The following SLCO3A1 variants were observed in gnomAD, a reference collection of about 807,000 sequenced individuals.
SLCO3A1 encodes the protein solute carrier organic anion transporter family member 3A1, also known as PGE1 transporter.
Under a neutral mutation model 63.1 loss-of-function variants are expected in SLCO3A1, and 27 were observed. The ratio of observed to expected loss-of-function variants is 0.43; its 90% CI spans 0.32 to 0.59. SLCO3A1 has a LOEUF of 0.59. Ranked by LOEUF, SLCO3A1 falls within the 20% of genes least tolerant of loss-of-function variation. The pLI is 0.09. For missense variants in SLCO3A1, 773 were observed against 945.8 expected (o/e 0.82, Z 2.40); for synonymous variants, 473 against 409.9 (o/e 1.15, Z -1.86).
At chr15:91,870,927 A>G (rs74028343) in intron 1 of SLCO3A1, among the ~76,000 whole-genome samples, 98 of 151,116 alleles carry the variant, frequency 6.5e-4, no homozygotes, top group African/African-American at 2.1e-3. Context: ...TATTGAACTC[A>G]TATTCTTATT....
rs544734489 is a variant in SLCO3A1 at position 91,941,276 on chromosome 15, G to C, written c.646+24818G>C. On this transcript the variant is annotated intron_variant, in intron 2 of 9. Transcript: ENST00000318445. The surrounding 1 kb of genome is among the most constrained non-coding windows in gnomAD (Gnocchi z 4.4). ...GAATGTGAGCTGGTTTAGGTGTGTTGGGGCAGGGCGGGGCTCGGCTGGGGG... is the reference window on the plus strand; with the variant it reads ...GAATGTGAGCTGGTTTAGGTGTGTTCGGGCAGGGCGGGGCTCGGCTGGGGG... 304 of 253,690 alleles carry C rather than the reference G, an allele frequency of 1.2e-3. No homozygotes were observed. Among genetic ancestry groups the C allele is most frequent in the Non-Finnish European group, 1.9e-3 (235 of 125,864 alleles). The allele number at this position is 253,690 out of a possible 1,614,324, so 15.7% of individuals were successfully genotyped here.
At position 92,120,172 on chromosome 15, in the gene SLCO3A1, A is replaced by G. The variant is rs533251711; in HGVS notation, c.1010-293A>G. 2.6e-5 allele frequency among the ~76,000 whole-genome samples: 4 copies of G among 152,266 alleles called. No homozygotes were observed. The South Asian group carries it at 8.3e-4, about 32-fold the overall frequency. On this transcript the variant is annotated intron_variant, in intron 4 of 9. Coordinates refer to ENST00000318445, the MANE Select transcript of SLCO3A1 (RefSeq NM_013272.4). ...AAAATATCTTCTGACATTGCTTTAA[A>G]AAAATTTTACTGTGTCTAGTGAACT...
intron 7 of SLCO3A1, among the ~76,000 whole-genome samples, chr15:92,144,201 C>G (rs2048189845): frequency 6.6e-6 from 1 of 152,200 alleles, no homozygotes; most frequent in African/African-American, 2.4e-5. Flanking sequence ...CCCCTGTAAC[C>G]TAAGACAGAT....
chr15:91,854,387 C>CG lies in SLCO3A1; in HGVS notation c.180+299_180+300insG, dbSNP rs1484756740. 12 of 1,058,446 alleles carry CG rather than the reference C, an allele frequency of 1.1e-5. No homozygotes were observed. Among genetic ancestry groups the CG allele is most frequent in the Admixed American group, 1.1e-4 (2 of 18,166 alleles). The allele number at this position is 1,058,446 out of a possible 1,614,324, so 65.6% of individuals were successfully genotyped here. On this transcript the variant is annotated intron_variant, in intron 1 of 9. Transcript: ENST00000318445. The surrounding 1 kb of genome is among the most constrained non-coding windows in gnomAD (Gnocchi z 6.4). ...AGGTGGGCGTGAAACTATTCCTCTC[C>CG]CCCCATAAGAGCGGAGCGAGACGGT... is the stretch of plus-strand genomic sequence containing the variant.
intron 1 of SLCO3A1, chr15:91,889,031 A>AC (rs1897800551): frequency 1.6e-6 from 1 of 612,496 alleles, no homozygotes; most frequent in African/African-American, 2.5e-5. Flanking sequence ...GAAAAGAAAA[A>AC]CCAAAAAAAA....
At chr15:92,093,465 C>T (rs985970554) in intron 2 of SLCO3A1, among the ~76,000 whole-genome samples, 5 of 152,170 alleles carry the variant, frequency 3.3e-5, no homozygotes, top group African/African-American at 1.2e-4. Flanking sequence ...TCCCACTAGG[C>T]CCCACCTCCA....
Position 91,983,514 on chromosome 15 carries a change from G to T in SLCO3A1, c.646+67056G>T, listed in dbSNP as rs369876914. 2.0e-5 allele frequency among the ~76,000 whole-genome samples: 3 copies of T among 152,130 alleles called. No homozygotes were observed. In the East Asian group the frequency reaches 5.8e-4, roughly 29 times the overall value. On this transcript the variant is annotated intron_variant, in intron 2 of 9. Transcript: ENST00000318445. ...ATTCCAACTTAATCTTTAATTGACT[G>T]TCCCGGACAGATTGAGAACTGAAAT...
Position 91,975,679 on chromosome 15 carries a change from C to T in SLCO3A1, c.646+59221C>T, listed in dbSNP as rs114008626. Among the ~76,000 whole-genome samples, 329 of 152,336 alleles carry T rather than the reference C, an allele frequency of 2.2e-3. 1 individual carries two copies. The highest frequency in any genetic ancestry group is 6.8e-3 in the African/African-American group (284 of 41,584). On this transcript the variant is annotated intron_variant, in intron 2 of 9. Transcript: ENST00000318445. ...ACAACCTTCCTCTCAGCCTGTCAGACGTGCGTCTGCACTGCTAGCACAGCC... is the reference window on the plus strand; with the variant it reads ...ACAACCTTCCTCTCAGCCTGTCAGATGTGCGTCTGCACTGCTAGCACAGCC...
chr15:92,074,908 AGTGAGGT>A (rs1461290986), intron 2 of SLCO3A1, among the ~76,000 whole-genome samples: 1 of 152,206 alleles, frequency 6.6e-6, no homozygotes, highest in Non-Finnish European at 1.5e-5. Context: ...TAGAGCCAAC[AGTGAGGT>A]GGATTCCGGG....
chr15:91,927,261 T>C (rs1350322258), intron 2 of SLCO3A1, among the ~76,000 whole-genome samples: 1 of 152,208 alleles, frequency 6.6e-6, no homozygotes, highest in Non-Finnish European at 1.5e-5. Context: ...TTTTCTGTGC[T>C]GGTTTGAACT....
chr15:92,153,403 C>T (rs544100886), intron 9 of SLCO3A1: 2 of 152,254 alleles, frequency 1.3e-5, no homozygotes, highest in South Asian at 4.1e-4. Context: ...GCTGGAAAAC[C>T]CTGCTCTAGA....
intron 1 of SLCO3A1, among the ~76,000 whole-genome samples, chr15:91,871,765 G>GTTTTTTTTTTTTTTTTTTTTTGT (rs33938693): frequency 2.2e-5 from 1 of 45,704 alleles, no homozygotes; most frequent in African/African-American, 9.1e-5. Flanking sequence ...TTTTTTTTTG[G>GTTTTTTTTTTTTTTTTTTTTTGT]TTTTTTTTTT....
chr15:92,158,681 C>T (rs74028853), intron 9 of SLCO3A1, among the ~76,000 whole-genome samples: 2,658 of 152,144 alleles, frequency 0.017, 79 homozygotes, highest in African/African-American at 0.061. Context: ...TGGGGCTGGG[C>T]GTGAAAATGA....
In SLCO3A1 at chr15:92,147,074, G is replaced by T; in HGVS notation, c.1603G>T (p.Ala535Ser). ...ATGCCCCAGTCCTGGGTGCCAAGAG[G>T]CCTTCCTCACTTTCCTCTGTGTGAT... ...GKCPSPGCQE[A>S]FLTFLCVMCI... is the part of the protein sequence containing the mutation. The change falls in exon 8 of 10, where the codon GCC becomes TCC. Residue 535 changes from alanine (A) to serine (S), a missense_variant. Ala to Ser is a moderately conservative substitution (Grantham distance 99, BLOSUM62 1). Transcript: ENST00000318445. 1 of 1,614,182 alleles carries T rather than the reference G, an allele frequency of 6.2e-7. No homozygotes were observed. Among genetic ancestry groups the T allele is most frequent in the Non-Finnish European group, 8.5e-7 (1 of 1,180,028 alleles).
At position 91,968,643 on chromosome 15, in the gene SLCO3A1, A is replaced by C. The variant is rs1296472169; in HGVS notation, c.646+52185A>C. Among the ~76,000 whole-genome samples, 1 of 152,142 alleles carries C rather than the reference A, an allele frequency of 6.6e-6. No individual in the cohort carries two copies. The highest frequency in any genetic ancestry group is 2.4e-5 in the African/African-American group (1 of 41,432). ...ACAAGCGACCCCTGCTTCCATGTGA[A>C]GCTTCATTCCCCAACCCATTCTTCA... On this transcript the variant is annotated intron_variant, in intron 2 of 9. Transcript: ENST00000318445. This position sits in a 1 kb window ranked among gnomAD's most constrained non-coding sequence, Gnocchi z 4.2.
intron 2 of SLCO3A1, among the ~76,000 whole-genome samples, chr15:91,928,255 A>G (rs1597129184): frequency 6.6e-6 from 1 of 152,218 alleles, no homozygotes; most frequent in Non-Finnish European, 1.5e-5. Flanking sequence ...GCTCCCATTT[A>G]TGGGGTCGCA....
chr15:92,167,824 T>G (rs2048501613), downstream of SLCO3A1, among the ~76,000 whole-genome samples: 1 of 152,164 alleles, frequency 6.6e-6, no homozygotes, highest in South Asian at 2.1e-4. Flanking sequence ...TTATCAAACC[T>G]AAAATGGAAA....
chr15:91,922,444 A>G (rs1031790988), intron 2 of SLCO3A1, among the ~76,000 whole-genome samples: 5 of 152,250 alleles, frequency 3.3e-5, no homozygotes, highest in Non-Finnish European at 7.3e-5. Flanking sequence ...TTAATAATGC[A>G]AAGAGAATAA....
intron 1 of SLCO3A1, among the ~76,000 whole-genome samples, chr15:91,876,148 A>G (rs1380404203): frequency 6.6e-6 from 1 of 152,158 alleles, no homozygotes; most frequent in Non-Finnish European, 1.5e-5. Flanking sequence ...CTATTTCTAT[A>G]AATTAATTTT....
Sources: gnomAD v4.1 joint callset for allele counts (sites outside exome capture counted in the v4.1 genomes callset) on GRCh38, gnomAD v4.1.1 for gene constraint, Gnocchi (gnomAD v3.1) non-coding constraint, MANE v1.5 for transcripts, NCBI Gene and HGNC (gene_info 2026-07-23, HGNC 2026-07-21) for gene names.